The following LGR5 variants were observed in gnomAD, a reference collection of about 807,000 sequenced individuals.
LGR5 encodes the protein leucine rich repeat containing G protein-coupled receptor 5, also known as leucine-rich repeat-containing G protein-coupled receptor 5.
Under a neutral mutation model 76.7 loss-of-function variants are expected in LGR5, and 54 were observed. That is an observed-to-expected ratio of 0.70 (90% CI 0.57 to 0.88). LGR5 has a LOEUF of 0.88. LGR5 is among the 40% of genes least tolerant of loss of function. The probability of loss-of-function intolerance (pLI) is 0.00; values close to 1 mark genes in which losing one functional copy is unlikely to be tolerated. For synonymous variants in LGR5, 406 were observed against 421.9 expected (o/e 0.96, Z 0.46); for missense variants, 1,078 against 1,073.3 (o/e 1.00, Z -0.06).
At chr12:71,487,531 C>A (rs1411630597) in intron 1 of LGR5, among the ~76,000 whole-genome samples, 1 of 152,100 alleles carries the variant, frequency 6.6e-6, no homozygotes, top group African/African-American at 2.4e-5. Context: ...CCTCCCACCT[C>A]AGCCTCCCAG....
chr12:71,536,734 C>T (rs1876608011), intron 4 of LGR5, among the ~76,000 whole-genome samples: 1 of 152,148 alleles, frequency 6.6e-6, no homozygotes, highest in Non-Finnish European at 1.5e-5. Flanking sequence ...ACAAACAGAA[C>T]ACAAACAGAA....
intron 1 of LGR5, among the ~76,000 whole-genome samples, chr12:71,493,252 G>A (rs1874157576): frequency 6.6e-6 from 1 of 151,144 alleles, no homozygotes. Flanking sequence ...AACTATTGAA[G>A]AGTCAGCAGT....
At chr12:71,476,420 T>C (rs1228326856) in intron 1 of LGR5, among the ~76,000 whole-genome samples, 2 of 152,148 alleles carry the variant, frequency 1.3e-5, no homozygotes, top group Admixed American at 6.5e-5. Flanking sequence ...TGAGGAATGA[T>C]CCATCTACTT....
rs185360576 is a variant in LGR5, at chr12:71,470,577, C to T, written c.212+30285C>T. ...GTATGTAGATGTGTGTATACACATA[C>T]GTAACACAAATGTGTATAGAATCAT... is the stretch of plus-strand genomic sequence containing the variant. On this transcript the variant is annotated intron_variant, in intron 1 of 17. Transcript: ENST00000266674. Among the ~76,000 whole-genome samples the T allele has an allele frequency of 5.0e-4, 76 of 152,208 alleles. No homozygotes were observed. In the East Asian group the frequency reaches 8.3e-3, roughly 17 times the overall value.
At chr12:71,545,990 A>G (rs1877136629) in intron 4 of LGR5, among the ~76,000 whole-genome samples, 1 of 152,204 alleles carries the variant, frequency 6.6e-6, no homozygotes, top group South Asian at 2.1e-4. Flanking sequence ...ACACAAAGAA[A>G]ATGAGCTTAT....
chr12:71,511,261 T>C (rs1377060849), intron 2 of LGR5, among the ~76,000 whole-genome samples: 1 of 152,218 alleles, frequency 6.6e-6, no homozygotes, highest in Non-Finnish European at 1.5e-5. Flanking sequence ...CCAATGGTTC[T>C]CAATATATTG....
chr12:71,583,517 G>A, intron 17 of LGR5, 130 bp from the exon 18 acceptor site: 1 of 1,019,832 alleles, frequency 9.8e-7, no homozygotes, highest in Non-Finnish European at 1.5e-6. Flanking sequence ...ATGCACATGG[G>A]CACTGTGTGT....
chr12:71,505,704 T>G (rs1393735246), intron 2 of LGR5, among the ~76,000 whole-genome samples: 3 of 152,224 alleles, frequency 2.0e-5, no homozygotes, highest in African/African-American at 7.2e-5. Flanking sequence ...TTCTCCCCTC[T>G]GGAGTTTTAT....
rs1233435685 is a variant in LGR5, at chr12:71,586,171, A to G, written c.*1437A>G. ...TACAGTGGCATATTCTTTGATTTAT[A>G]TTGTGTTTCTCTGCCCATTTTCTTT... On this transcript the variant is annotated 3_prime_UTR_variant, in exon 18 of 18. Coordinates refer to ENST00000266674, the MANE Select transcript of LGR5 (RefSeq NM_003667.4). The G allele has an allele frequency of 1.3e-5, 2 of 152,140 alleles. No homozygotes were observed. Among genetic ancestry groups the G allele is most frequent in the Non-Finnish European group, 2.9e-5 (2 of 68,016 alleles). The allele number at this position is 152,140 out of a possible 1,614,324, so 9.4% of individuals were successfully genotyped here.
Position 71,440,104 on chromosome 12 carries a change from G to T in LGR5, c.24G>T (p.Val8=). 1 of 1,605,464 alleles carries T rather than the reference G, an allele frequency of 6.2e-7. No individual in the cohort carries two copies. The change falls in exon 1 of 18, where the codon GTG becomes GTT. Residue 8 remains valine (V), a synonymous_variant. Coordinates refer to ENST00000266674, the MANE Select transcript of LGR5 (RefSeq NM_003667.4). The surrounding 1 kb of genome is among the most constrained non-coding windows in gnomAD (Gnocchi z 5.3). The part of the protein sequence containing the change: MDTSRLG[V]LLSLPVLLQL... ...CCATGGACACCTCCCGGCTCGGTGT[G>T]CTCCTGTCCTTGCCTGTGCTGCTGC...
chr12:71,459,265 T>C (rs913033457), intron 1 of LGR5, among the ~76,000 whole-genome samples: 8 of 152,172 alleles, frequency 5.3e-5, no homozygotes, highest in African/African-American at 1.9e-4. Context: ...CTTATAGTTT[T>C]ACTGGGCATA....
chr12:71,551,549 GA>G (rs1280187328), intron 4 of LGR5, among the ~76,000 whole-genome samples: 7 of 151,822 alleles, frequency 4.6e-5, no homozygotes, highest in Middle Eastern at 3.4e-3. Flanking sequence ...AGCAGATTGG[GA>G]AAAAAAACAA....
intron 12 of LGR5, among the ~76,000 whole-genome samples, chr12:71,572,466 T>C (rs1313716990): frequency 6.6e-6 from 1 of 152,144 alleles, no homozygotes; most frequent in African/African-American, 2.4e-5. Context: ...TTTCTCTCAA[T>C]GCCTTTGGGT....
At chr12:71,509,599 T>C (rs1373441194) in intron 2 of LGR5, among the ~76,000 whole-genome samples, 1 of 152,158 alleles carries the variant, frequency 6.6e-6, no homozygotes, top group African/African-American at 2.4e-5. Context: ...CATCAGAGTG[T>C]AGTAGAGATG....
Position 71,511,804 on chromosome 12 carries a change from A to G in LGR5, c.284+7119A>G, listed in dbSNP as rs539078353. 2.4e-4 allele frequency among the ~76,000 whole-genome samples: 37 copies of G among 152,142 alleles called. No homozygotes were observed. In the South Asian group the frequency reaches 6.3e-3, roughly 26 times the overall value. On this transcript the variant is annotated intron_variant, in intron 2 of 17. Transcript: ENST00000266674. ...CCTACCTTGCCTGCTTGCCACCAGC[A>G]TTCTTATTATCCAGACTTGTGCCTG...
intron 12 of LGR5, among the ~76,000 whole-genome samples, chr12:71,572,644 C>A (rs560310721): frequency 1.3e-5 from 2 of 152,316 alleles, no homozygotes; most frequent in Non-Finnish European, 2.9e-5. Flanking sequence ...TCCTCCCAAG[C>A]AAACTAGCTC....
At chr12:71,468,709 C>CTTTTTTTTTTTTTTTT in intron 1 of LGR5, among the ~76,000 whole-genome samples, 1 of 70,064 alleles carries the variant, frequency 1.4e-5, no homozygotes, top group Non-Finnish European at 2.8e-5. Flanking sequence ...GTGGTAGCCT[C>CTTTTTTTTTTTTTTTT]TTTTTTTTTT....
At chr12:71,499,519 C>A (rs1019548312) in intron 1 of LGR5, among the ~76,000 whole-genome samples, 1 of 152,062 alleles carries the variant, frequency 6.6e-6, no homozygotes, top group African/African-American at 2.4e-5. Flanking sequence ...AAGATAGAAA[C>A]CCACATTAAA....
At chr12:71,478,474 G>C (rs1873437497) in intron 1 of LGR5, among the ~76,000 whole-genome samples, 1 of 152,150 alleles carries the variant, frequency 6.6e-6, no homozygotes, top group Non-Finnish European at 1.5e-5. Context: ...TGTTGACTCT[G>C]CTCCCTCTTC....
Sources: allele counts gnomAD v4.1 joint callset (sites outside exome capture counted in the v4.1 genomes callset), GRCh38; gene constraint gnomAD v4.1.1; non-coding constraint Gnocchi (gnomAD v3.1); transcripts MANE v1.5; gene names NCBI Gene and HGNC (gene_info 2026-07-23, HGNC 2026-07-21).